MYO9A: variants seen among roughly 807,000 people sequenced by gnomAD.
MYO9A encodes myosin IXA.
A neutral mutation model predicts 293.3 loss-of-function variants in MYO9A; 103 were observed. The ratio of observed to expected loss-of-function variants is 0.35; its 90% CI spans 0.30 to 0.41. The LOEUF is 0.41. MYO9A is among the 10% of genes least tolerant of loss of function. The pLI, the probability that MYO9A is intolerant of heterozygous loss-of-function variation, is 1.00. For missense variants in MYO9A, 2,685 were observed against 3,033.0 expected (o/e 0.89, Z 2.69); for synonymous variants, 1,001 against 1,035.7 (o/e 0.97, Z 0.64).
chr15:71,981,731 TTTGG>T (rs1158737717), intron 11 of MYO9A, among the ~76,000 whole-genome samples: 2 of 152,024 alleles, frequency 1.3e-5, no homozygotes, highest in Non-Finnish European at 2.9e-5. Context: ...TTACTTTTGG[TTTGG>T]TTGATCCTCT....
At position 71,826,208 on chromosome 15, in the gene MYO9A, A is replaced by G. The variant is rs1028201049; in HGVS notation, c.*372T>C. On this transcript the variant is annotated 3_prime_UTR_variant, in exon 42 of 42. Coordinates refer to ENST00000356056, the MANE Select transcript of MYO9A (RefSeq NM_006901.4). ...TAAGAAAGATTTATACGTTTTCTTC[A>G]AATGTCAGAAATGAGAGGGTCCCTC... 1.1e-5 allele frequency: 2 copies of G among 178,350 alleles called. No homozygotes were observed. Among genetic ancestry groups the G allele is most frequent in the Non-Finnish European group, 1.2e-5 (1 of 85,890 alleles). The allele number at this position is 178,350 out of a possible 1,614,324, so 11.0% of individuals were successfully genotyped here. A position where few individuals can be genotyped will look rare whatever the true frequency, so the allele number is the denominator to read the frequency against.
chr15:72,111,990 G>A (rs375344648), intron 1 of MYO9A, among the ~76,000 whole-genome samples: 12 of 152,164 alleles, frequency 7.9e-5, no homozygotes, highest in African/African-American at 2.9e-4. Flanking sequence ...CAGTTCCAAA[G>A]TTATAAGGCT....
chr15:72,020,853 G>C (rs1244910269), intron 5 of MYO9A, 65 bp downstream of exon 5: 13 of 1,007,920 alleles, frequency 1.3e-5, no homozygotes, highest in Non-Finnish European at 1.7e-5. Flanking sequence ...CTAGAAAAAA[G>C]ACATTTTTCA....
Position 71,916,437 on chromosome 15 carries a change from C to A in MYO9A, c.2618G>T (p.Arg873Leu). 1.2e-6 allele frequency: 2 copies of A among 1,613,322 alleles called. No individual in the cohort carries two copies. The highest frequency in any genetic ancestry group is 1.7e-6 in the Non-Finnish European group (2 of 1,179,692). Residue 873 changes from arginine (R) to leucine (L), a missense_variant, in exon 19 of 42, where the codon CGC becomes CTC. Physicochemically the swap from Arg to Leu is moderately radical, Grantham distance 102. Around this residue, in one of 10 missense-constraint regions of MYO9A, gnomAD observed 1,434 missense variants for 1,497.7 expected, o/e 0.96. Coordinates refer to ENST00000356056, the MANE Select transcript of MYO9A (RefSeq NM_006901.4). Reference sequence around the variant, plus strand: ...TAAATGAAGAAGAGACTTGGTAATGCGATCTTGTAGTGTCAGTCTTGTCAG... The same window carrying A: ...TAAATGAAGAAGAGACTTGGTAATGAGATCTTGTAGTGTCAGTCTTGTCAG... Reference protein sequence around the residue: ...KHLTRLTLQDRITKSLLHLHK... With the variant: ...KHLTRLTLQDLITKSLLHLHK...
At chr15:71,958,087 G>T (rs1267702786) in intron 14 of MYO9A, among the ~76,000 whole-genome samples, 1 of 152,050 alleles carries the variant, frequency 6.6e-6, no homozygotes, top group Non-Finnish European at 1.5e-5. Context: ...CTGTAATTCT[G>T]CAGATTTCAT....
intron 37 of MYO9A, 119 bp downstream of exon 37, chr15:71,851,134 C>A: frequency 1.3e-6 from 1 of 789,288 alleles, no homozygotes. Flanking sequence ...GAGACACTGA[C>A]TTTATAAATA....
intron 11 of MYO9A, among the ~76,000 whole-genome samples, chr15:71,985,566 T>C (rs1316364245): frequency 1.3e-5 from 2 of 152,116 alleles, no homozygotes; most frequent in Non-Finnish European, 2.9e-5. Flanking sequence ...ACCAAGGGCC[T>C]CCTCCTTATT....
intron 13 of MYO9A, among the ~76,000 whole-genome samples, chr15:71,963,458 T>C (rs1220077959): frequency 1.3e-5 from 2 of 152,158 alleles, no homozygotes; most frequent in South Asian, 4.1e-4. Context: ...TTTTATTTTA[T>C]GTATTTAGAG....
chr15:72,018,933 T>C (rs1455996029), intron 6 of MYO9A, 106 bp downstream of exon 6: 1 of 833,708 alleles, frequency 1.2e-6, no homozygotes, highest in Non-Finnish European at 2.0e-6. Flanking sequence ...TTCCTAGGAT[T>C]CTTTGTATTT....
chr15:72,110,845 C>T (rs1029518643), intron 1 of MYO9A, among the ~76,000 whole-genome samples: 3 of 152,150 alleles, frequency 2.0e-5, no homozygotes, highest in Non-Finnish European at 4.4e-5. Flanking sequence ...ATTCTAAAAG[C>T]CACACAGTGA....
intron 14 of MYO9A, among the ~76,000 whole-genome samples, chr15:71,955,263 G>A (rs1427678348): frequency 6.6e-6 from 1 of 152,130 alleles, no homozygotes; most frequent in African/African-American, 2.4e-5. Context: ...AAGTAGCTGG[G>A]ATTACAGGCA....
chr15:71,834,173 A>T (rs985303906), intron 39 of MYO9A, among the ~76,000 whole-genome samples: 2 of 152,162 alleles, frequency 1.3e-5, no homozygotes, highest in African/African-American at 4.8e-5. Flanking sequence ...CTGTAGACCC[A>T]AAGAGGATAA....
At chr15:72,108,350 T>C (rs2080650029) in intron 1 of MYO9A, among the ~76,000 whole-genome samples, 1 of 152,178 alleles carries the variant, frequency 6.6e-6, no homozygotes, top group Admixed American at 6.5e-5. Context: ...AATATGAATC[T>C]ATTCAATCCT....
chr15:71,845,361 A>C (rs1407860326), intron 39 of MYO9A, among the ~76,000 whole-genome samples: 1 of 147,714 alleles, frequency 6.8e-6, no homozygotes, highest in Non-Finnish European at 1.5e-5. Context: ...AATTATTCTC[A>C]TCAAATATTT....
At chr15:72,035,619 A>G (rs2078021534) in intron 2 of MYO9A, among the ~76,000 whole-genome samples, 1 of 152,178 alleles carries the variant, frequency 6.6e-6, no homozygotes, top group Admixed American at 6.5e-5. Context: ...CCTGTGCAAC[A>G]TAGGGAGACC....
At chr15:71,832,249 C>T (rs1362303993) in intron 39 of MYO9A, among the ~76,000 whole-genome samples, 1 of 152,092 alleles carries the variant, frequency 6.6e-6, no homozygotes, top group African/African-American at 2.4e-5. Context: ...GCACTCCAGC[C>T]TGGGCAAATA....
intron 1 of MYO9A, among the ~76,000 whole-genome samples, chr15:72,103,152 C>T (rs1256360093): frequency 6.8e-6 from 1 of 147,334 alleles, no homozygotes; most frequent in Admixed American, 6.7e-5. Flanking sequence ...GCCAAGATTG[C>T]GCCACTGCAC....
At chr15:71,957,314 TC>T (rs1475457154) in intron 14 of MYO9A, among the ~76,000 whole-genome samples, 3 of 152,184 alleles carry the variant, frequency 2.0e-5, no homozygotes, top group Non-Finnish European at 4.4e-5. Context: ...TTGATTAAAT[TC>T]CAGGGTTCTG....
intron 2 of MYO9A, among the ~76,000 whole-genome samples, chr15:72,043,089 A>G (rs1000403297): frequency 6.6e-6 from 1 of 151,944 alleles, no homozygotes; most frequent in Non-Finnish European, 1.5e-5. Flanking sequence ...CAAAAAAAAA[A>G]GGTTAATGGC....
Sources: allele counts gnomAD v4.1 joint callset (sites outside exome capture counted in the v4.1 genomes callset), GRCh38; gene constraint gnomAD v4.1.1; regional missense constraint gnomAD v4.1.1; transcripts MANE v1.5; gene names NCBI Gene and HGNC (gene_info 2026-07-23, HGNC 2026-07-21).